Variants in GCLC observed in about 807,000 individuals in gnomAD.
GCLC encodes glutamate--cysteine ligase catalytic subunit.
A neutral mutation model predicts 81.5 loss-of-function variants in GCLC; 30 were observed. The ratio of observed to expected loss-of-function variants is 0.37; its 90% CI spans 0.28 to 0.50. GCLC has a LOEUF of 0.50. GCLC is among the 20% of genes least tolerant of loss of function. The pLI is 0.96. For missense variants in GCLC, 556 were observed against 777.4 expected (o/e 0.72, Z 3.39); for synonymous variants, 262 against 273.3 (o/e 0.96, Z 0.41).
intron 2 of GCLC, 138 bp from the exon 3 acceptor site, chr6:53,521,098 G>A (rs1308916069): frequency 2.7e-6 from 2 of 728,056 alleles, no homozygotes; most frequent in African/African-American, 3.5e-5. Flanking sequence ...AGTTCTCAGT[G>A]ATTATTACTT....
intron 1 of GCLC, among the ~76,000 whole-genome samples, chr6:53,527,278 C>T (rs538687973): frequency 6.6e-5 from 10 of 152,332 alleles, no homozygotes; most frequent in African/African-American, 2.4e-4. Context: ...TCAGGGCCAG[C>T]TCCTCCATTC....
At chr6:53,528,640 A>T (rs1464938358) in intron 1 of GCLC, among the ~76,000 whole-genome samples, 1 of 152,214 alleles carries the variant, frequency 6.6e-6, no homozygotes, top group Admixed American at 6.5e-5. Flanking sequence ...ATGTCTATTC[A>T]TACTAAAGAA....
intron 3 of GCLC, among the ~76,000 whole-genome samples, chr6:53,517,614 C>A (rs1265329133): frequency 6.6e-6 from 1 of 152,054 alleles, no homozygotes; most frequent in African/African-American, 2.4e-5. Flanking sequence ...AAACTTAAAT[C>A]TGAGGGGATT....
chr6:53,520,651 G>A (rs1186118417), intron 3 of GCLC, 127 bp downstream of exon 3: 2 of 818,908 alleles, frequency 2.4e-6, no homozygotes, highest in Non-Finnish European at 4.3e-6. Flanking sequence ...ATCAAGTGCA[G>A]TCTATAAAAG....
intron 2 of GCLC, 30 bp from the exon 3 acceptor site, chr6:53,520,990 TTA>T: frequency 6.4e-7 from 1 of 1,564,986 alleles, no homozygotes; most frequent in Non-Finnish European, 8.8e-7. Context: ...TAGTTCCATC[TTA>T]TTCTTTTGCT....
intron 1 of GCLC, among the ~76,000 whole-genome samples, chr6:53,526,792 C>T (rs1415743043): frequency 1.7e-4 from 15 of 88,084 alleles, no homozygotes; most frequent in Admixed American, 6.1e-4. Context: ...AGCAAGACTC[C>T]GCCTCAAAAA....
chr6:53,520,473 T>C (rs1356073953), intron 3 of GCLC, among the ~76,000 whole-genome samples: 6 of 152,158 alleles, frequency 3.9e-5, no homozygotes, highest in Non-Finnish European at 7.4e-5. Flanking sequence ...GGCGTGCTGC[T>C]CCCTCCACCC....
intron 2 of GCLC, among the ~76,000 whole-genome samples, chr6:53,521,849 CTGTAG>C (rs1257404005): frequency 6.6e-6 from 1 of 152,126 alleles, no homozygotes; most frequent in Non-Finnish European, 1.5e-5. Context: ...TGGCGGGCGC[CTGTAG>C]TCCCAGCTAC....
chr6:53,534,680 A>T (rs1196586992), intron 1 of GCLC, among the ~76,000 whole-genome samples: 4 of 152,110 alleles, frequency 2.6e-5, no homozygotes, highest in African/African-American at 7.2e-5. Context: ...CCCTGGGTGG[A>T]AGAGATGGAG....
chr6:53,505,579 G>C (rs538717158), intron 11 of GCLC, 83 bp from the exon 12 acceptor site: 156 of 820,152 alleles, frequency 1.9e-4, no homozygotes, highest in Non-Finnish European at 3.1e-4. Flanking sequence ...CTCAGATCAT[G>C]TCATTCCCAA....
intron 6 of GCLC, among the ~76,000 whole-genome samples, chr6:53,510,743 C>T (rs1051956448): frequency 1.3e-5 from 2 of 152,168 alleles, no homozygotes; most frequent in African/African-American, 4.8e-5. Context: ...TAGATCTCAA[C>T]TTTGTTTTCC....
At chr6:53,532,115 T>C (rs966604001) in intron 1 of GCLC, among the ~76,000 whole-genome samples, 2 of 152,256 alleles carry the variant, frequency 1.3e-5, no homozygotes, top group African/African-American at 2.4e-5. Flanking sequence ...GAAATCTTTC[T>C]AAAATTGACT....
chr6:53,536,231 C>CTA (rs1763255058), intron 1 of GCLC, among the ~76,000 whole-genome samples: 1 of 152,088 alleles, frequency 6.6e-6, no homozygotes, highest in Admixed American at 6.5e-5. Flanking sequence ...ATATCAAATG[C>CTA]AAACTATGAT....
At chr6:53,503,490 T>TTGGCTGAGAAGATAATTCTG (rs1764551663) in intron 12 of GCLC, among the ~76,000 whole-genome samples, 1 of 152,212 alleles carries the variant, frequency 6.6e-6, no homozygotes, top group South Asian at 2.1e-4. Context: ...AAAGAATAAT[T>TTGGCTGAGAAGATAATTCTG]TGGCTGAGAA....
Position 53,500,227 on chromosome 6 carries a change from G to A in GCLC, c.1581+20C>T, listed in dbSNP as rs1278998831. On this transcript the variant is annotated intron_variant, in intron 14 of 15. Transcript: ENST00000650454. ...GGGGATGTGCACAGTGAGGGGTACT[G>A]TACAGGGCCACCCTCCTACCTTCCC... The A allele has an allele frequency of 6.2e-7, 1 of 1,612,910 alleles. No homozygotes were observed. Among genetic ancestry groups the A allele is most frequent in the African/African-American group, 1.3e-5 (1 of 74,996 alleles).
intron 1 of GCLC, 78 bp downstream of exon 1, chr6:53,544,418 G>T: frequency 6.8e-7 from 1 of 1,481,254 alleles, no homozygotes; most frequent in Non-Finnish European, 9.3e-7. Flanking sequence ...GATAGGGCCG[G>T]GGGCGTAGGG....
chr6:53,521,464 T>C (rs1353320487), intron 2 of GCLC, among the ~76,000 whole-genome samples: 1 of 152,006 alleles, frequency 6.6e-6, no homozygotes, highest in Admixed American at 6.5e-5. Context: ...CCAAAATCTT[T>C]ATAAGTAACT....
chr6:53,508,404 C>G (rs1010632855), intron 8 of GCLC, among the ~76,000 whole-genome samples, 191 bp downstream of exon 8: 1 of 152,156 alleles, frequency 6.6e-6, no homozygotes, highest in African/African-American at 2.4e-5. Context: ...AATCGGACTA[C>G]TAATTTTAAA....
In GCLC at chr6:53,544,547, G is replaced by A; in HGVS notation, c.99C>T (p.Ile33=). The change falls in exon 1 of 16, where the codon ATC becomes ATT. Residue 33 remains isoleucine, a synonymous_variant. Coordinates refer to ENST00000650454, the MANE Select transcript of GCLC (RefSeq NM_001498.4). ...RRHGILQFLH[I]YHAVKDRHKD... ...TGTGCCGGTCCTTGACGGCGTGGTA[G>A]ATGTGCAGGAACTGGAGGATCCCGT... 1 of 1,608,854 alleles carries A rather than the reference G, an allele frequency of 6.2e-7. No homozygotes were observed. The highest frequency in any genetic ancestry group is 8.5e-7 in the Non-Finnish European group (1 of 1,179,638).
Sources: gnomAD v4.1 joint callset for allele counts (sites outside exome capture counted in the v4.1 genomes callset) on GRCh38, gnomAD v4.1.1 for gene constraint, MANE v1.5 for transcripts, NCBI Gene and HGNC (gene_info 2026-07-23, HGNC 2026-07-21) for gene names.